PLSCR2: variants seen among roughly 807,000 people sequenced by gnomAD.
PLSCR2 encodes PL scramblase 2.
Under a neutral mutation model 25.3 loss-of-function variants are expected in PLSCR2, and 18 were observed. That is an observed-to-expected ratio of 0.71 (90% CI 0.49 to 1.06). The LOEUF (loss-of-function observed/expected upper bound fraction) is 1.06. PLSCR2 is among the 50% of genes least tolerant of loss of function. The pLI is 0.00. For synonymous variants in PLSCR2, 88 were observed against 87.3 expected (o/e 1.01, Z -0.04); for missense variants, 243 against 269.5 (o/e 0.90, Z 0.69).
At chr3:146,480,834 A>G (rs995155056) in intron 1 of PLSCR2, among the ~76,000 whole-genome samples, 4 of 152,024 alleles carry the variant, frequency 2.6e-5, no homozygotes, top group Non-Finnish European at 5.9e-5. Flanking sequence ...AAAATCCTCA[A>G]TAAAATACTG....
intron 1 of PLSCR2, among the ~76,000 whole-genome samples, chr3:146,468,576 T>C (rs555104132): frequency 2.0e-5 from 3 of 152,208 alleles, no homozygotes; most frequent in East Asian, 1.9e-4. Flanking sequence ...CTTTCTGTAG[T>C]GCCAGGCACT....
chr3:146,396,196 A>G (rs929155881), intron 2 of PLSCR2, among the ~76,000 whole-genome samples: 1 of 152,166 alleles, frequency 6.6e-6, no homozygotes, highest in Non-Finnish European at 1.5e-5. Flanking sequence ...ATTTGCTTTA[A>G]TTTAATGTGA....
downstream of PLSCR2, among the ~76,000 whole-genome samples, chr3:146,438,250 GT>G (rs1235716585): frequency 1.3e-5 from 2 of 152,202 alleles, no homozygotes; most frequent in Admixed American, 6.5e-5. Context: ...AGTATATTCT[GT>G]TGATCTGGGG....
At chr3:146,437,721 CA>C (rs1277571299), downstream of PLSCR2, among the ~76,000 whole-genome samples, 1 of 151,908 alleles carries the variant, frequency 6.6e-6, no homozygotes, top group Non-Finnish European at 1.5e-5. Flanking sequence ...TTCAAAAATC[CA>C]CCTCCTGGAT....
intron 3 of PLSCR2, 114 bp downstream of exon 3, chr3:146,458,297 T>G: frequency 1.2e-6 from 1 of 826,732 alleles, no homozygotes; most frequent in Non-Finnish European, 1.8e-6. Flanking sequence ...TCGTAAATAG[T>G]CAGTTTTACC....
intron 8 of PLSCR2, among the ~76,000 whole-genome samples, chr3:146,435,244 G>A (rs1157160132): frequency 6.6e-6 from 1 of 152,134 alleles, no homozygotes; most frequent in Non-Finnish European, 1.5e-5. Flanking sequence ...GTGTGCATGT[G>A]TCTTTATAGC....
intron 1 of PLSCR2, among the ~76,000 whole-genome samples, chr3:146,488,404 A>G (rs554649): frequency 0.32 from 49,124 of 151,980 alleles, 7,990 homozygotes; most frequent in South Asian, 0.41. Flanking sequence ...CTAATGAGTG[A>G]GAGAAAAGTT....
chr3:146,494,081 T>C (rs2043659073), intron 1 of PLSCR2, among the ~76,000 whole-genome samples: 1 of 152,096 alleles, frequency 6.6e-6, no homozygotes, highest in African/African-American at 2.4e-5. Context: ...TCTATGATAG[T>C]TTCACATTTT....
chr3:146,424,050 G>C (rs2039250659), intron 2 of PLSCR2, among the ~76,000 whole-genome samples: 1 of 151,806 alleles, frequency 6.6e-6, no homozygotes, highest in African/African-American at 2.4e-5. Context: ...GGGTTGATGG[G>C]TGCAGCAAAC....
intron 1 of PLSCR2, among the ~76,000 whole-genome samples, chr3:146,482,148 T>G (rs1352283690): frequency 6.6e-6 from 1 of 152,110 alleles, no homozygotes; most frequent in Non-Finnish European, 1.5e-5. Context: ...GGCAATACCA[T>G]TCAGGACATA....
intron 1 of PLSCR2, among the ~76,000 whole-genome samples, chr3:146,492,458 T>C (rs2043586587): frequency 6.6e-6 from 1 of 152,068 alleles, no homozygotes; most frequent in Non-Finnish European, 1.5e-5. Flanking sequence ...AGTCTTGGAC[T>C]ACAGTGCAAT....
intron 2 of PLSCR2, among the ~76,000 whole-genome samples, chr3:146,410,850 C>T (rs991085362): frequency 6.6e-6 from 1 of 152,192 alleles, no homozygotes; most frequent in Non-Finnish European, 1.5e-5. Flanking sequence ...CTGGCCGCTC[C>T]CCCTGAGGGG....
chr3:146,423,937 C>T (rs1482676391), intron 2 of PLSCR2, among the ~76,000 whole-genome samples: 2 of 151,926 alleles, frequency 1.3e-5, no homozygotes, highest in Admixed American at 6.6e-5. Context: ...CTCAGGCTGC[C>T]CAAATAAATT....
upstream of PLSCR2, among the ~76,000 whole-genome samples, chr3:146,465,041 A>C (rs1220171106): frequency 2.6e-5 from 4 of 152,212 alleles, no homozygotes; most frequent in Non-Finnish European, 2.9e-5. Context: ...TTAACCTTCC[A>C]AGAAATCAGG....
At position 146,473,083 on chromosome 3, in the gene PLSCR2, T is replaced by A. The variant is rs116867582; in HGVS notation, c.-292-12799A>T. 3.3e-5 allele frequency among the ~76,000 whole-genome samples: 5 copies of A among 152,276 alleles called. No homozygotes were observed. In the East Asian group the frequency reaches 9.7e-4, roughly 29 times the overall value. On this transcript the variant is annotated intron_variant, in intron 1 of 8. Transcript: ENST00000336685. ...TGGGGTACTGTAGAAATAAATTGGATCTCCTTATTATATCTGTCTAGACAC... is the reference window on the plus strand; with the variant it reads ...TGGGGTACTGTAGAAATAAATTGGAACTCCTTATTATATCTGTCTAGACAC...
intron 2 of PLSCR2, among the ~76,000 whole-genome samples, chr3:146,406,840 T>C (rs182088761): frequency 1.3e-5 from 2 of 152,282 alleles, no homozygotes; most frequent in Admixed American, 1.3e-4. Flanking sequence ...GTCTCTTGGC[T>C]GGAATGAATG....
intron 2 of PLSCR2, 144 bp downstream of exon 2, chr3:146,459,704 C>G: frequency 1.7e-6 from 1 of 603,420 alleles, no homozygotes; most frequent in South Asian, 2.2e-5. Context: ...GATTTGTTAA[C>G]AGAATGTGCT....
downstream of PLSCR2, among the ~76,000 whole-genome samples, chr3:146,437,323 A>G (rs1020336131): frequency 6.6e-6 from 1 of 152,076 alleles, no homozygotes; most frequent in Non-Finnish European, 1.5e-5. Context: ...CTCTTTTTCT[A>G]TTGATTGCAA....
At chr3:146,447,304 C>A (rs994193871) in intron 6 of PLSCR2, among the ~76,000 whole-genome samples, 1 of 152,208 alleles carries the variant, frequency 6.6e-6, no homozygotes, top group African/African-American at 2.4e-5. Context: ...TGCTGGGCCA[C>A]ACCTGAAGCA....
Sources: gnomAD v4.1 joint callset for allele counts (sites outside exome capture counted in the v4.1 genomes callset) on GRCh38, gnomAD v4.1.1 for gene constraint, MANE v1.5 for transcripts, NCBI Gene and HGNC (gene_info 2026-07-23, HGNC 2026-07-21) for gene names.